The following NRG3 variants were observed in gnomAD, a reference collection of about 807,000 sequenced individuals.
NRG3 encodes the protein neuregulin 3.
NRG3 carries 31 observed loss-of-function variants against 66.9 expected under a neutral mutation model. The observed-to-expected ratio is 0.46, with a 90% confidence interval of 0.35 to 0.63. The LOEUF (loss-of-function observed/expected upper bound fraction) is 0.63. Among genes scored for constraint, NRG3 ranks in the 20% least tolerant of loss-of-function variants. NRG3 has a pLI of 0.00. For missense variants in NRG3, 910 were observed against 878.9 expected, an observed-to-expected ratio of 1.04 and a Z score of -0.45; for synonymous variants, 393 against 359.4, an observed-to-expected ratio of 1.09 and a Z score of -1.06.
chr10:82,784,805 C>T (rs1262635465), intron 3 of NRG3, among the ~76,000 whole-genome samples: 2 of 151,958 alleles, frequency 1.3e-5, no homozygotes, highest in Admixed American at 6.6e-5. Context: ...GGCGATTCCT[C>T]AGGGATCTAG....
At chr10:82,517,901 G>A (rs1038490618) in intron 2 of NRG3, among the ~76,000 whole-genome samples, 2 of 152,000 alleles carry the variant, frequency 1.3e-5, no homozygotes, top group Non-Finnish European at 2.9e-5. Context: ...ACTGGGTAAG[G>A]AAAAGAAAAA....
chr10:82,031,911 T>G (rs904892503), intron 1 of NRG3, among the ~76,000 whole-genome samples: 1 of 152,004 alleles, frequency 6.6e-6, no homozygotes, highest in Non-Finnish European at 1.5e-5. Context: ...ATTTTCAGAA[T>G]CATAAAGCAC....
chr10:82,057,646 G>GCAGT (rs1379987416), intron 1 of NRG3, among the ~76,000 whole-genome samples: 1 of 151,796 alleles, frequency 6.6e-6, no homozygotes, highest in African/African-American at 2.4e-5. Context: ...GTGGACAAGG[G>GCAGT]TATGATAAAT....
rs561519672 is a variant in NRG3, at chr10:82,595,822, G to A, written c.954-142755G>A. On this transcript the variant is annotated intron_variant, in intron 2 of 8. Coordinates refer to ENST00000372141, the MANE Select transcript of NRG3 (RefSeq NM_001010848.4). ...TAGATTGGAACTTTTAGTCATATTCGTTCAGCTTGAATTCTAGTTCACTAG... is the reference window on the plus strand; with the variant it reads ...TAGATTGGAACTTTTAGTCATATTCATTCAGCTTGAATTCTAGTTCACTAG... Among the ~76,000 whole-genome samples, 111 of 151,880 alleles carry A rather than the reference G, an allele frequency of 7.3e-4. 1 individual carries two copies. The highest frequency in any genetic ancestry group is 2.4e-3 in the African/African-American group (101 of 41,436).
intron 2 of NRG3, among the ~76,000 whole-genome samples, chr10:82,537,641 A>G (rs140777631): frequency 6.6e-6 from 1 of 152,202 alleles, no homozygotes; most frequent in African/African-American, 2.4e-5. Flanking sequence ...CAAGTAAGAA[A>G]ATAAACATTT....
At chr10:82,906,461 T>G (rs1844746531) in intron 4 of NRG3, among the ~76,000 whole-genome samples, 1 of 152,160 alleles carries the variant, frequency 6.6e-6, no homozygotes, top group South Asian at 2.1e-4. Context: ...TAACCTGGCT[T>G]TACTTAATCA....
At chr10:82,173,583 CAGGTG>C in intron 1 of NRG3, among the ~76,000 whole-genome samples, 1 of 151,720 alleles carries the variant, frequency 6.6e-6, no homozygotes, top group Middle Eastern at 3.2e-3. Context: ...TTGACAATTA[CAGGTG>C]AGCAAGCAAG....
chr10:82,307,096 T>C (rs2080782502), intron 1 of NRG3, among the ~76,000 whole-genome samples: 1 of 152,186 alleles, frequency 6.6e-6, no homozygotes, highest in Non-Finnish European at 1.5e-5. Context: ...TTTTGGGTGC[T>C]ATTGTCAATT....
chr10:82,492,632 A>C lies in NRG3; in HGVS notation c.953+133764A>C, dbSNP rs568447592. On this transcript the variant is annotated intron_variant, in intron 2 of 8. Coordinates refer to ENST00000372141, the MANE Select transcript of NRG3 (RefSeq NM_001010848.4). ...GAAACCCAGTCATAACAGAGTTTGC[A>C]AGTAGAGAAACTGAAGCTCAGAAAG... 5.3e-5 allele frequency among the ~76,000 whole-genome samples: 8 copies of C among 152,358 alleles called. No individual in the cohort carries two copies. In the East Asian group the frequency reaches 9.6e-4, roughly 18 times the overall value.
intron 1 of NRG3, among the ~76,000 whole-genome samples, chr10:82,081,591 A>G (rs568808285): frequency 1.1e-3 from 162 of 152,316 alleles, no homozygotes; most frequent in African/African-American, 3.7e-3. Flanking sequence ...ATTGAAAAGT[A>G]GGGCAGCTAT....
chr10:82,473,097 T>C (rs1008266995), intron 2 of NRG3, among the ~76,000 whole-genome samples: 3 of 152,208 alleles, frequency 2.0e-5, no homozygotes, highest in African/African-American at 7.2e-5. Context: ...ACCCAGTTGT[T>C]GACACACTTT....
intron 2 of NRG3, among the ~76,000 whole-genome samples, chr10:82,468,846 A>G (rs1266596042): frequency 6.6e-6 from 1 of 152,020 alleles, no homozygotes; most frequent in Non-Finnish European, 1.5e-5. Flanking sequence ...GAGAGGAGAG[A>G]GAGAGAGAAA....
At chr10:82,473,251 G>A (rs768842681) in intron 2 of NRG3, among the ~76,000 whole-genome samples, 4 of 152,170 alleles carry the variant, frequency 2.6e-5, no homozygotes, top group Non-Finnish European at 5.9e-5. Flanking sequence ...GTGTTTTAGT[G>A]GGTGAAGAAA....
intron 3 of NRG3, among the ~76,000 whole-genome samples, chr10:82,836,520 C>T (rs895844832): frequency 5.9e-5 from 9 of 152,052 alleles, no homozygotes; most frequent in African/African-American, 2.2e-4. Flanking sequence ...TAACACTTGG[C>T]AGAAAAAACT....
At chr10:82,227,417 T>A (rs1740553098) in intron 1 of NRG3, among the ~76,000 whole-genome samples, 1 of 152,106 alleles carries the variant, frequency 6.6e-6, no homozygotes, top group Non-Finnish European at 1.5e-5. Flanking sequence ...TTTTATTGTA[T>A]CATTTATTGA....
At chr10:82,463,225 A>G (rs1202991926) in intron 2 of NRG3, among the ~76,000 whole-genome samples, 1 of 152,220 alleles carries the variant, frequency 6.6e-6, no homozygotes, top group African/African-American at 2.4e-5. Context: ...CATCTTTCAC[A>G]TGGCAGATGA....
chr10:82,597,533 T>G (rs1590816551), intron 2 of NRG3, among the ~76,000 whole-genome samples: 1 of 152,156 alleles, frequency 6.6e-6, no homozygotes, highest in South Asian at 2.1e-4. Flanking sequence ...CAGGGGCAGG[T>G]TTCCTCATAA....
rs769104783 is a variant in NRG3 at position 81,952,397 on chromosome 10, G to A, written c.823+76234G>A. On this transcript the variant is annotated intron_variant, in intron 1 of 8. Coordinates refer to ENST00000372141, the MANE Select transcript of NRG3 (RefSeq NM_001010848.4). ...TGCTTGTGTGTGTGTGTATGTGTGC[G>A]TGTGAGAGAGAGGGAGGGGAGAGAG... Among the ~76,000 whole-genome samples the A allele has an allele frequency of 3.3e-5, 5 of 152,146 alleles. No homozygotes were observed. The East Asian group carries it at 5.8e-4, about 18-fold the overall frequency.
chr10:82,308,233 C>T (rs2080847868), intron 1 of NRG3, among the ~76,000 whole-genome samples: 1 of 152,100 alleles, frequency 6.6e-6, no homozygotes, highest in Non-Finnish European at 1.5e-5. Flanking sequence ...ATGACAGGCA[C>T]ACACCACCAT....
Sources: allele counts gnomAD v4.1 joint callset (sites outside exome capture counted in the v4.1 genomes callset), GRCh38; gene constraint gnomAD v4.1.1; transcripts MANE v1.5; gene names NCBI Gene and HGNC (gene_info 2026-07-23, HGNC 2026-07-21).